The following TMEM108 variants were observed in gnomAD, a reference collection of about 807,000 sequenced individuals.
TMEM108 encodes the protein transmembrane protein 108.
TMEM108 carries 12 observed loss-of-function variants against 35.1 expected under a neutral mutation model. That is an observed-to-expected ratio of 0.34 (90% CI 0.22 to 0.55). The LOEUF is 0.55. Ranked by LOEUF, TMEM108 falls within the 20% of genes least tolerant of loss-of-function variation. The probability of loss-of-function intolerance (pLI) is 0.89; values close to 1 mark genes in which losing one functional copy is unlikely to be tolerated. For missense variants in TMEM108, 680 were observed against 753.3 expected, an observed-to-expected ratio of 0.90 and a Z score of 1.14; for synonymous variants, 287 against 308.6, an observed-to-expected ratio of 0.93 and a Z score of 0.73.
chr3:133,193,975 C>T (rs1274397386), intron 2 of TMEM108, among the ~76,000 whole-genome samples: 1 of 144,830 alleles, frequency 6.9e-6, no homozygotes, highest in African/African-American at 2.6e-5. Flanking sequence ...CTCACTCTGT[C>T]ACTCAGGCTG....
chr3:133,386,625 C>T (rs2073154266), intron 4 of TMEM108: 10 of 1,433,856 alleles, frequency 7.0e-6, no homozygotes, highest in Non-Finnish European at 9.1e-6. Context: ...ACTCCATGAC[C>T]TCCTCCAGAG....
chr3:133,302,609 A>G (rs1947244793), intron 3 of TMEM108, among the ~76,000 whole-genome samples: 1 of 151,550 alleles, frequency 6.6e-6, no homozygotes, highest in African/African-American at 2.4e-5. Flanking sequence ...TTTAGTAGGG[A>G]TGGGGTTTCA....
intron 5 of TMEM108, among the ~76,000 whole-genome samples, chr3:133,395,597 C>T (rs1297653099): frequency 6.6e-6 from 1 of 152,016 alleles, no homozygotes; most frequent in African/African-American, 2.4e-5. Flanking sequence ...GGGGTGATTC[C>T]AGAAGCAGGG....
At chr3:133,157,755 A>G (rs2107775106) in intron 2 of TMEM108, among the ~76,000 whole-genome samples, 1 of 152,326 alleles carries the variant, frequency 6.6e-6, no homozygotes, top group Non-Finnish European at 1.5e-5. Context: ...CATTCAGTGT[A>G]ATAGTCACTC....
chr3:133,093,271 G>A (rs1445056683), intron 2 of TMEM108, among the ~76,000 whole-genome samples: 3 of 152,178 alleles, frequency 2.0e-5, no homozygotes, highest in South Asian at 2.1e-4. Context: ...GATTACAGGC[G>A]TGAGCCACCG....
intron 3 of TMEM108, among the ~76,000 whole-genome samples, chr3:133,364,036 G>T (rs1164563586): frequency 6.6e-6 from 1 of 152,198 alleles, no homozygotes; most frequent in Non-Finnish European, 1.5e-5. Context: ...CTGTGTACCA[G>T]ACAGTGGTAC....
intron 2 of TMEM108, among the ~76,000 whole-genome samples, chr3:133,095,635 A>G (rs1944002688): frequency 6.6e-6 from 1 of 152,202 alleles, no homozygotes; most frequent in Admixed American, 6.5e-5. Flanking sequence ...ATCAGGCATT[A>G]GATTCTCATA....
intron 2 of TMEM108, among the ~76,000 whole-genome samples, chr3:133,166,232 T>G (rs1023674314): frequency 6.6e-6 from 1 of 152,190 alleles, no homozygotes; most frequent in Non-Finnish European, 1.5e-5. Context: ...TTAGGAAGAA[T>G]AGCTAATGGA....
intron 3 of TMEM108, among the ~76,000 whole-genome samples, chr3:133,354,710 A>T (rs1255288698): frequency 6.6e-6 from 1 of 152,112 alleles, no homozygotes; most frequent in Non-Finnish European, 1.5e-5. Context: ...GAACCCAGCA[A>T]GCCCAGCTCA....
chr3:133,239,097 T>C (rs2107659112), intron 3 of TMEM108, among the ~76,000 whole-genome samples: 1 of 152,306 alleles, frequency 6.6e-6, no homozygotes, highest in South Asian at 2.1e-4. Context: ...TTCATCCTTT[T>C]CCATCCAAAA....
At chr3:133,091,086 C>A (rs1431131454) in intron 2 of TMEM108, among the ~76,000 whole-genome samples, 6 of 152,028 alleles carry the variant, frequency 3.9e-5, no homozygotes, top group South Asian at 2.1e-4. Context: ...ATTTGTAATT[C>A]CTGTAGAAGT....
intron 3 of TMEM108, among the ~76,000 whole-genome samples, chr3:133,244,432 C>G (rs775433969): frequency 6.6e-6 from 1 of 152,144 alleles, no homozygotes; most frequent in African/African-American, 2.4e-5. Context: ...CTCTGAAAAC[C>G]AGTATGGAGG....
chr3:133,240,803 G>A (rs186879641), intron 3 of TMEM108, among the ~76,000 whole-genome samples: 20 of 152,258 alleles, frequency 1.3e-4, no homozygotes, highest in African/African-American at 4.6e-4. Context: ...TAAATGGGTA[G>A]GGTATAAAAA....
intron 3 of TMEM108, among the ~76,000 whole-genome samples, chr3:133,360,448 C>G (rs1382676686): frequency 6.6e-6 from 1 of 152,188 alleles, no homozygotes; most frequent in African/African-American, 2.4e-5. Flanking sequence ...TGGGGTCAAG[C>G]AGCCCTACAG....
At chr3:133,343,501 C>T (rs1293454810) in intron 3 of TMEM108, among the ~76,000 whole-genome samples, 1 of 151,856 alleles carries the variant, frequency 6.6e-6, no homozygotes, top group African/African-American at 2.4e-5. Flanking sequence ...AATGAGTAAA[C>T]AAACTGTGGT....
At chr3:133,331,592 G>C (rs2071393470) in intron 3 of TMEM108, among the ~76,000 whole-genome samples, 1 of 152,148 alleles carries the variant, frequency 6.6e-6, no homozygotes, top group Non-Finnish European at 1.5e-5. Flanking sequence ...AGAGCACAAG[G>C]CATATAGAAA....
chr3:133,112,547 G>C (rs1944238457), intron 2 of TMEM108, among the ~76,000 whole-genome samples: 1 of 152,142 alleles, frequency 6.6e-6, no homozygotes, highest in South Asian at 2.1e-4. Context: ...GTGTCGTCTA[G>C]AACTGAGAAT....
chr3:133,182,521 GT>G (rs1945362352), intron 2 of TMEM108, among the ~76,000 whole-genome samples: 1 of 152,186 alleles, frequency 6.6e-6, no homozygotes, highest in Non-Finnish European at 1.5e-5. Flanking sequence ...CTGATGTCAC[GT>G]TGAGGTCTTT....
At chr3:133,325,611 A>G (rs1178276444) in intron 3 of TMEM108, among the ~76,000 whole-genome samples, 3 of 152,128 alleles carry the variant, frequency 2.0e-5, no homozygotes, top group Non-Finnish European at 4.4e-5. Flanking sequence ...AGTCCTAGCT[A>G]CTTGGGAGGC....
Sources: gnomAD v4.1 joint callset for allele counts (sites outside exome capture counted in the v4.1 genomes callset) on GRCh38, gnomAD v4.1.1 for gene constraint, MANE v1.5 for transcripts, NCBI Gene and HGNC (gene_info 2026-07-23, HGNC 2026-07-21) for gene names.